FREM2: variants seen among roughly 807,000 people sequenced by gnomAD.
The protein encoded by FREM2 is FRAS1 related extracellular matrix 2.
In FREM2, 119 loss-of-function variants were observed where a neutral mutation model predicts 219.9. The ratio of observed to expected loss-of-function variants is 0.54; its 90% CI spans 0.47 to 0.63. The LOEUF is 0.63. Among genes scored for constraint, FREM2 ranks in the 30% least tolerant of loss-of-function variants. FREM2 has a pLI of 0.00. For synonymous variants in FREM2, 1,562 were observed against 1,522.8 expected, an observed-to-expected ratio of 1.03 and a Z score of -0.60; for missense variants, 4,030 against 3,993.6, an observed-to-expected ratio of 1.01 and a Z score of -0.25.
At chr13:38,755,555 A>G (rs1037253) in intron 2 of FREM2, among the ~76,000 whole-genome samples, 143,989 of 152,216 alleles carry the variant, frequency 0.95, 68,594 homozygotes, top group East Asian at 1. Context: ...TTAGAGATGA[A>G]AAAACTTACA....
At position 38,690,612 on chromosome 13, in the gene FREM2, A is replaced by G. The variant is rs201566223; in HGVS notation, c.3268A>G (p.Ile1090Val). 5 of 1,614,010 alleles carry G rather than the reference A, an allele frequency of 3.1e-6. No individual in the cohort carries two copies. Among genetic ancestry groups the G allele is most frequent in the East Asian group, 2.2e-5 (1 of 44,878 alleles). ...GDKSVITSVH[I>V]SAEDVDSLND... The stretch of plus-strand genomic sequence containing the variant: ...TAAAAGTGTTATAACATCAGTGCAT[A>G]TAAGTGCTGAAGATGTCGACTCCCT... The change falls in exon 1 of 24, where the codon ATA becomes GTA. Residue 1090 changes from isoleucine (I) to valine (V), a missense_variant. Physicochemically the swap from Ile to Val is conservative, Grantham distance 29 (BLOSUM62 3). Transcript: ENST00000280481.
At position 38,688,932 on chromosome 13, in the gene FREM2, G is replaced by C; in HGVS notation, c.1588G>C (p.Asp530His). Residue 530 changes from aspartate (D) to histidine (H), a missense_variant, in exon 1 of 24, where the codon GAC becomes CAC. Physicochemically the swap from Asp to His is moderately conservative, Grantham distance 81 (BLOSUM62 -1). This residue lies in a region of FREM2 where 3,102 missense variants were observed against 2,950.7 expected (regional missense o/e 1.05). Transcript: ENST00000280481. ...QHDDRDGSLS[D>H]NLVLRMVDGG... Reference sequence around the variant, plus strand: ...TGATGACAGAGACGGCTCGCTGAGCGACAACCTGGTGCTTCGCATGGTGGA... The same window carrying C: ...TGATGACAGAGACGGCTCGCTGAGCCACAACCTGGTGCTTCGCATGGTGGA... 1.2e-6 allele frequency: 2 copies of C among 1,612,654 alleles called. No individual in the cohort carries two copies. Among genetic ancestry groups the C allele is most frequent in the Non-Finnish European group, 1.7e-6 (2 of 1,179,300 alleles).
Position 38,691,363 on chromosome 13 carries a change from TTTATA to T in FREM2, c.4024_4028del (p.Ile1342SerfsTer19). 1.9e-6 allele frequency: 3 copies of T among 1,613,898 alleles called. No individual in the cohort carries two copies. Among genetic ancestry groups the T allele is most frequent in the Non-Finnish European group, 2.5e-6 (3 of 1,179,806 alleles). The stretch of plus-strand genomic sequence containing the variant: ...TTAGATTCAGAAGACAAATCTTTGG[TTTATA>T]TTATTCGTTATGGGCCAGGACATGG... On this transcript the variant is annotated frameshift_variant, in exon 1 of 24. Transcript: ENST00000280481. LOFTEE classifies it high-confidence loss of function.
intron 6 of FREM2, among the ~76,000 whole-genome samples, chr13:38,824,061 A>G (rs1876175153): frequency 6.6e-6 from 1 of 152,124 alleles, no homozygotes; most frequent in Non-Finnish European, 1.5e-5. Flanking sequence ...ATTTCAAGTG[A>G]TTATTCAAGT....
intron 2 of FREM2, among the ~76,000 whole-genome samples, chr13:38,716,754 C>G (rs551559697): frequency 2.0e-5 from 3 of 152,140 alleles, no homozygotes; most frequent in African/African-American, 7.2e-5. Flanking sequence ...GTAATCCTCC[C>G]GCCTCGGCCT....
chr13:38,813,365 G>A (rs1875569945), intron 6 of FREM2, among the ~76,000 whole-genome samples: 1 of 150,604 alleles, frequency 6.6e-6, no homozygotes, highest in South Asian at 2.1e-4. Flanking sequence ...TTTTCCTTCA[G>A]CACTTTAAAT....
intron 6 of FREM2, among the ~76,000 whole-genome samples, chr13:38,829,362 G>T (rs769402170): frequency 6.6e-6 from 1 of 152,044 alleles, no homozygotes; most frequent in African/African-American, 2.4e-5. Flanking sequence ...CAGAAATGAG[G>T]CCCTTTCAGC....
chr13:38,863,534 C>A (rs900870404), intron 15 of FREM2, among the ~76,000 whole-genome samples: 1 of 107,212 alleles, frequency 9.3e-6, no homozygotes, highest in Non-Finnish European at 1.8e-5. Flanking sequence ...GAAATACATC[C>A]TTTAAAAAAC....
chr13:38,769,145 G>A (rs1370762440), intron 3 of FREM2, among the ~76,000 whole-genome samples: 1 of 152,146 alleles, frequency 6.6e-6, no homozygotes, highest in Non-Finnish European at 1.5e-5. Context: ...ATTCTTTCAT[G>A]GAGGAGTTTC....
rs1360023989 is a variant in FREM2 at position 38,735,511 on chromosome 13, C to T, written c.5264-28793C>T. On this transcript the variant is annotated intron_variant, in intron 2 of 23. Transcript: ENST00000280481. ...TGTCATTTCAGTTTCAATTTTTATTCTTAGTAAAAAAATCATTTATTGAAA... is the reference window on the plus strand; with the variant it reads ...TGTCATTTCAGTTTCAATTTTTATTTTTAGTAAAAAAATCATTTATTGAAA... Among the ~76,000 whole-genome samples the T allele has an allele frequency of 2.6e-5, 4 of 152,014 alleles. No individual in the cohort carries two copies. The East Asian group carries it at 7.8e-4, about 29-fold the overall frequency.
rs986868764 is a variant in FREM2 at position 38,784,654 on chromosome 13, T to C, written c.5865T>C (p.Asp1955=). Residue 1955 remains aspartate, a synonymous_variant, in exon 6 of 24, where the codon GAT becomes GAC. Coordinates refer to ENST00000280481, the MANE Select transcript of FREM2 (RefSeq NM_207361.6). ...CCAGTGTTGTCCGCTTTGACAAAGA[T>C]GAACGGGAGAAACTGTGTCGGATAG... is the stretch of plus-strand genomic sequence containing the variant. The part of the protein sequence containing the change: ...DHTSVVRFDK[D]EREKLCRIVI... 2 of 1,614,216 alleles carry C rather than the reference T, an allele frequency of 1.2e-6. No individual in the cohort carries two copies. The highest frequency in any genetic ancestry group is 1.7e-6 in the Non-Finnish European group (2 of 1,180,020).
intron 2 of FREM2, among the ~76,000 whole-genome samples, chr13:38,719,286 T>A (rs554945388): frequency 6.6e-6 from 1 of 152,296 alleles, no homozygotes; most frequent in African/African-American, 2.4e-5. Context: ...AGTGGCACAA[T>A]CTCTGCTTGC....
At chr13:38,739,874 A>C (rs946795679) in intron 2 of FREM2, among the ~76,000 whole-genome samples, 2 of 152,206 alleles carry the variant, frequency 1.3e-5, no homozygotes, top group Non-Finnish European at 2.9e-5. Context: ...TGCTTTTTTC[A>C]TTAACTTAGC....
In FREM2 at chr13:38,846,983, G is replaced by C. The variant is rs189603518; in HGVS notation, c.6169+261G>C. 2.7e-3 allele frequency among the ~76,000 whole-genome samples: 412 copies of C among 152,216 alleles called. 2 individuals carry two copies. The highest frequency in any genetic ancestry group is 6.4e-3 in the South Asian group (31 of 4,826). On this transcript the variant is annotated intron_variant, in intron 7 of 23. Coordinates refer to ENST00000280481, the MANE Select transcript of FREM2 (RefSeq NM_207361.6). ...TGTATACTGAGGCCTATATTTCCAT[G>C]AAGTGGTTCTCTACTCTCAGCAAAT...
intron 2 of FREM2, among the ~76,000 whole-genome samples, chr13:38,735,254 A>G (rs1049515163): frequency 9.2e-5 from 14 of 152,198 alleles, no homozygotes; most frequent in African/African-American, 2.9e-4. Flanking sequence ...TCACCCTTAT[A>G]TAGAAAATAT....
chr13:38,832,225 C>T (rs1399203149), intron 6 of FREM2, among the ~76,000 whole-genome samples: 4 of 151,804 alleles, frequency 2.6e-5, no homozygotes, highest in African/African-American at 4.8e-5. Flanking sequence ...GATCTCACCA[C>T]GGCACTCCAT....
At chr13:38,706,784 A>G (rs965774948) in intron 2 of FREM2, among the ~76,000 whole-genome samples, 7 of 152,186 alleles carry the variant, frequency 4.6e-5, no homozygotes, top group African/African-American at 1.4e-4. Flanking sequence ...TTCCTACCTG[A>G]TAAGTATTAA....
intron 1 of FREM2, among the ~76,000 whole-genome samples, chr13:38,692,776 T>G (rs1869950789): frequency 6.6e-6 from 1 of 152,158 alleles, no homozygotes; most frequent in Non-Finnish European, 1.5e-5. Context: ...GAGGTGAACT[T>G]TGGTGAATTA....
At chr13:38,841,636 C>T (rs1255835309) in intron 6 of FREM2, among the ~76,000 whole-genome samples, 2 of 151,826 alleles carry the variant, frequency 1.3e-5, no homozygotes, top group Admixed American at 6.6e-5. Flanking sequence ...CTTGCCGATT[C>T]GAAGGGCAGC....
Sources: gnomAD v4.1 joint callset for allele counts (sites outside exome capture counted in the v4.1 genomes callset) on GRCh38, gnomAD v4.1.1 for gene constraint, gnomAD v4.1.1 regional missense constraint, MANE v1.5 for transcripts, NCBI Gene and HGNC (gene_info 2026-07-23, HGNC 2026-07-21) for gene names.